Variants in GOLGA3 observed in about 807,000 individuals in gnomAD.
The protein encoded by GOLGA3 is golgin subfamily A member 3.
GOLGA3 carries 75 observed loss-of-function variants against 169.4 expected under a neutral mutation model. The ratio of observed to expected loss-of-function variants is 0.44; its 90% CI spans 0.37 to 0.54. The LOEUF (loss-of-function observed/expected upper bound fraction) is 0.54. Ranked by LOEUF, GOLGA3 falls within the 20% of genes least tolerant of loss-of-function variation. The probability of loss-of-function intolerance (pLI) is 0.00; values close to 1 mark genes in which losing one functional copy is unlikely to be tolerated. For missense variants in GOLGA3, 1,899 were observed against 1,930.0 expected, an observed-to-expected ratio of 0.98 and a Z score of 0.30; for synonymous variants, 824 against 822.4, an observed-to-expected ratio of 1.00 and a Z score of -0.03.
chr12:132,828,242 G>A (rs3816761), intron 1 of GOLGA3: 58,992 of 152,042 alleles, frequency 0.39, 12,237 homozygotes, highest in South Asian at 0.59. Flanking sequence ...GGGTGTCCCT[G>A]TCCTAGGTGG....
At position 132,801,945 on chromosome 12, in the gene GOLGA3, G is replaced by A. The variant is rs778978857; in HGVS notation, c.1622C>T (p.Thr541Ile). 3 of 1,599,284 alleles carry A rather than the reference G, an allele frequency of 1.9e-6. No homozygotes were observed. In the East Asian group the frequency reaches 6.7e-5, roughly 36 times the overall value. ...NTVHDLRQQM[T>I]ALQSQLQQVQ... ...CTGCTGAAGCTGGCTCTGCAAGGCT[G>A]TCATCTGCTGTCGCAGGTCGTGCAC... Residue 541 changes from threonine to isoleucine, a missense_variant, in exon 8 of 24, where the codon ACA (threonine) becomes ATA (isoleucine). Thr to Ile is a moderately conservative substitution (Grantham distance 89, BLOSUM62 -1). Transcript: ENST00000450791.
At chr12:132,795,754 G>T in intron 11 of GOLGA3, 98 bp downstream of exon 11, 1 of 1,334,634 alleles carries the variant, frequency 7.5e-7, no homozygotes, top group Non-Finnish European at 1.0e-6. Context: ...CAGCGAGACT[G>T]TTTCAAAAAA....
At chr12:132,826,390 A>G (rs1464160872) in intron 1 of GOLGA3, among the ~76,000 whole-genome samples, 1 of 152,070 alleles carries the variant, frequency 6.6e-6, no homozygotes, top group African/African-American at 2.4e-5. Context: ...ACTGCTGCAG[A>G]GGAGAACTGC....
At chr12:132,819,134 C>A (rs1227598406) in intron 2 of GOLGA3, among the ~76,000 whole-genome samples, 2 of 152,028 alleles carry the variant, frequency 1.3e-5, no homozygotes, top group African/African-American at 2.4e-5. Flanking sequence ...TCCGGTGGCT[C>A]TGGAGGCCCG....
intron 1 of GOLGA3, chr12:132,828,257 C>G (rs1226183529): frequency 6.6e-6 from 1 of 152,214 alleles, no homozygotes; most frequent in Non-Finnish European, 1.5e-5. Context: ...AGGTGGGCTC[C>G]GCGGGGGCAG....
rs762370391 is a variant in GOLGA3 at position 132,786,350 on chromosome 12, G to C, written c.3112C>G (p.Leu1038Val). 6 of 1,602,622 alleles carry C rather than the reference G, an allele frequency of 3.7e-6. No individual in the cohort carries two copies. In the African/African-American group the frequency reaches 8.0e-5, roughly 21 times the overall value. Residue 1038 changes from leucine (L) to valine (V), a missense_variant, in exon 15 of 24, where the codon CTG becomes GTG. Transcript: ENST00000450791. ...ACGGTGTTACCTACATGTAGAGCCA[G>C]GCTGCTGTCACTGCTGCCACCCTGG... Reference protein sequence around the residue: ...RAQGGSSDSSLALHERIQALE... With the variant: ...RAQGGSSDSSVALHERIQALE...
Position 132,776,984 on chromosome 12 carries a change from T to C in GOLGA3, c.3829A>G (p.Ser1277Gly), listed in dbSNP as rs767720112. The C allele has an allele frequency of 3.1e-6, 5 of 1,606,042 alleles. No homozygotes were observed. Among genetic ancestry groups the C allele is most frequent in the Admixed American group, 1.7e-5 (1 of 58,654 alleles). The change falls in exon 20 of 24, where the codon AGC becomes GGC. Residue 1277 changes from serine to glycine, a missense_variant. By Grantham distance (56) the Ser-to-Gly change is moderately conservative. Coordinates refer to ENST00000450791, the MANE Select transcript of GOLGA3 (RefSeq NM_001389683.1). ...TCTTGGTTTCCCACGGGCTGTTTGC[T>C]GAGCTGCTCGTCCAGCTGCTTCTGC... ...LLQKQLDEQL[S>G]KQPVGNQEME...
rs1201566649 is a variant in GOLGA3, at chr12:132,787,663, C to CT, written c.2812-877_2812-876insA. Among the ~76,000 whole-genome samples, 35 of 82,306 alleles carry CT rather than the reference C, an allele frequency of 4.3e-4. 4 individuals carry two copies. The highest frequency in any genetic ancestry group is 6.0e-3 in the Middle Eastern group (1 of 168). The allele number at this position is 82,306 out of a possible 152,430, so 54.0% of individuals were successfully genotyped here. On this transcript the variant is annotated intron_variant, in intron 13 of 23. Coordinates refer to ENST00000450791, the MANE Select transcript of GOLGA3 (RefSeq NM_001389683.1). ...CCACGGGACCCCTCCCCGGAGACCCCGGGACCCCTCCCCGGAGACCCCGGG... is the reference window on the plus strand; with the variant it reads ...CCACGGGACCCCTCCCCGGAGACCCCTGGGACCCCTCCCCGGAGACCCCGGG...
At chr12:132,796,266 GA>G (rs1566102579) in intron 10 of GOLGA3, 46 bp from the exon 11 acceptor site, 1 of 1,539,684 alleles carries the variant, frequency 6.5e-7, no homozygotes, top group South Asian at 1.2e-5. Context: ...ACCCTCCTCC[GA>G]GAGCGTATGC....
Position 132,822,170 on chromosome 12 carries a change from A to G in GOLGA3, c.-42T>C, listed in dbSNP as rs61432638. The G allele has an allele frequency of 3.4e-3, 5,341 of 1,573,902 alleles. 159 individuals are homozygous for G. The African/African-American group carries it at 0.065, about 19-fold the overall frequency. ...GCTGAGCTGACGCTGAGGGGCTACA[A>G]GTGAACCTTGGACAAGCTTGGCTTC... On this transcript the variant is annotated 5_prime_UTR_variant, in exon 2 of 24. Coordinates refer to ENST00000450791, the MANE Select transcript of GOLGA3 (RefSeq NM_001389683.1).
chr12:132,825,898 C>G (rs761684620), intron 1 of GOLGA3: 8 of 965,358 alleles, frequency 8.3e-6, no homozygotes, highest in East Asian at 2.4e-5. Context: ...CTGGTGATGT[C>G]TCCATTCGAG....
chr12:132,775,026 G>GT, intron 22 of GOLGA3, 115 bp downstream of exon 22: 1 of 828,724 alleles, frequency 1.2e-6, no homozygotes, highest in South Asian at 1.7e-5. Flanking sequence ...CAGCTGCTCA[G>GT]TGTGGGCTCA....
intron 3 of GOLGA3, 113 bp downstream of exon 3, chr12:132,816,427 C>A: frequency 9.1e-7 from 1 of 1,095,008 alleles, no homozygotes; most frequent in Non-Finnish European, 1.3e-6. Flanking sequence ...AGATGGCACA[C>A]GGCAGGCACA....
chr12:132,808,994 T>C (rs1163590603), intron 4 of GOLGA3, among the ~76,000 whole-genome samples: 1 of 152,172 alleles, frequency 6.6e-6, no homozygotes, highest in Non-Finnish European at 1.5e-5. Context: ...AGACCGGTAG[T>C]GGCCCTGAAT....
intron 13 of GOLGA3, among the ~76,000 whole-genome samples, chr12:132,787,006 T>A (rs545768920): frequency 1.3e-5 from 2 of 151,762 alleles, no homozygotes; most frequent in African/African-American, 4.8e-5. Flanking sequence ...CAGGCTGGAG[T>A]GCAGGGGCGT....
At position 132,770,581 on chromosome 12, in the gene GOLGA3, AAGG is replaced by A. The variant is rs35452104; in HGVS notation, c.*2521_*2523del. On this transcript the variant is annotated 3_prime_UTR_variant, in exon 24 of 24. Transcript: ENST00000450791. ...ACTCACTTGAGGACTTCCCATAAGC[AAGG>A]AGAAGTCGCTCCCCACTGAATGTGT... The A allele has an allele frequency of 0.34, 52,361 of 151,946 alleles. 9,747 individuals carry two copies. Among genetic ancestry groups the A allele is most frequent in the East Asian group, 0.57 (2,951 of 5,164 alleles). The allele number at this position is 151,946 out of a possible 1,614,324, so 9.4% of individuals were successfully genotyped here.
intron 23 of GOLGA3, among the ~76,000 whole-genome samples, chr12:132,773,541 C>T (rs2045029513): frequency 6.6e-6 from 1 of 152,238 alleles, no homozygotes; most frequent in African/African-American, 2.4e-5. Context: ...GCCTGGCACA[C>T]ACGACTTCCA....
intron 12 of GOLGA3, among the ~76,000 whole-genome samples, 166 bp downstream of exon 12, chr12:132,791,050 C>CAAAAAAAAAAAAAAA (rs771719474): frequency 5.7e-5 from 3 of 52,648 alleles, no homozygotes; most frequent in African/African-American, 1.7e-4. Context: ...GACTCCGTCT[C>CAAAAAAAAAAAAAAA]AAAAAAAAAA....
At position 132,805,011 on chromosome 12, in the gene GOLGA3, C is replaced by G. The variant is rs200739525; in HGVS notation, c.1302G>C (p.Glu434Asp). 1 of 1,608,322 alleles carries G rather than the reference C, an allele frequency of 6.2e-7. No homozygotes were observed. Among genetic ancestry groups the G allele is most frequent in the East Asian group, 2.2e-5 (1 of 44,858 alleles). The change falls in exon 7 of 24, where the codon GAG becomes GAC. Residue 434 changes from glutamate (E) to aspartate (D), a missense_variant. By Grantham distance (45) the Glu-to-Asp change is conservative. Coordinates refer to ENST00000450791, the MANE Select transcript of GOLGA3 (RefSeq NM_001389683.1). The part of the protein sequence containing the change: ...LSLEASQALK[E>D]KAELQAQLAA... Reference sequence around the variant, plus strand: ...CCAGCTGGGCCTGCAGCTCAGCCTTCTCTTTAAGTGCCTGAAAAGATCCCA... The same window carrying G: ...CCAGCTGGGCCTGCAGCTCAGCCTTGTCTTTAAGTGCCTGAAAAGATCCCA...
Sources: gnomAD v4.1 joint callset for allele counts (sites outside exome capture counted in the v4.1 genomes callset) on GRCh38, gnomAD v4.1.1 for gene constraint, MANE v1.5 for transcripts, NCBI Gene and HGNC (gene_info 2026-07-23, HGNC 2026-07-21) for gene names.